The following GPC5 variants were observed in gnomAD, a reference collection of about 807,000 sequenced individuals.
GPC5 encodes glypican-5.
In GPC5, 47 loss-of-function variants were observed where a neutral mutation model predicts 53.9. The ratio of observed to expected loss-of-function variants is 0.87; its 90% CI spans 0.69 to 1.11. The LOEUF (loss-of-function observed/expected upper bound fraction) is 1.11. GPC5 is among the 50% of genes most tolerant of loss of function. The probability of loss-of-function intolerance (pLI) is 0.00; values close to 1 mark genes in which losing one functional copy is unlikely to be tolerated. For synonymous variants in GPC5, 286 were observed against 263.3 expected, an observed-to-expected ratio of 1.09 and a Z score of -0.84; for missense variants, 748 against 713.1, an observed-to-expected ratio of 1.05 and a Z score of -0.56.
chr13:92,161,495 A>C (rs1198035293), intron 7 of GPC5, among the ~76,000 whole-genome samples: 1 of 152,208 alleles, frequency 6.6e-6, no homozygotes, highest in African/African-American at 2.4e-5. Flanking sequence ...AATTTTAGCC[A>C]AGAATATTAT....
At chr13:92,287,469 G>C (rs1467733567) in intron 7 of GPC5, among the ~76,000 whole-genome samples, 1 of 152,078 alleles carries the variant, frequency 6.6e-6, no homozygotes, top group African/African-American at 2.4e-5. Context: ...AATTATTATT[G>C]TAGAATTGTG....
At chr13:92,124,267 A>AAC (rs2041676045) in intron 6 of GPC5, among the ~76,000 whole-genome samples, 1 of 151,074 alleles carries the variant, frequency 6.6e-6, no homozygotes, top group African/African-American at 2.4e-5. Context: ...AAAAAAAAAA[A>AAC]AAAAAACTAG....
chr13:91,958,953 A>G (rs528960327), intron 6 of GPC5, among the ~76,000 whole-genome samples: 1 of 152,062 alleles, frequency 6.6e-6, no homozygotes. Context: ...AAATAATCTA[A>G]TAATGCACCT....
intron 1 of GPC5, among the ~76,000 whole-genome samples, chr13:91,430,310 C>T (rs187671561): frequency 1.3e-5 from 2 of 152,300 alleles, no homozygotes; most frequent in East Asian, 3.9e-4. Context: ...CAGGATTAGC[C>T]ACACTGATAG....
At chr13:92,788,255 A>G (rs928537111) in intron 7 of GPC5, among the ~76,000 whole-genome samples, 3 of 152,182 alleles carry the variant, frequency 2.0e-5, no homozygotes, top group African/African-American at 7.2e-5. Flanking sequence ...GTGTAAAAAA[A>G]AAGATCAACA....
chr13:92,721,465 C>G (rs1765943738), intron 7 of GPC5: 1 of 152,050 alleles, frequency 6.6e-6, no homozygotes, highest in Non-Finnish European at 1.5e-5. Context: ...ATCATTATTG[C>G]AGGCTAAATG....
chr13:91,571,825 A>ACACACACATATACGTGTGTGTGTG (rs1566515523), intron 2 of GPC5, among the ~76,000 whole-genome samples: 1 of 81,082 alleles, frequency 1.2e-5, no homozygotes, highest in African/African-American at 8.1e-5. Flanking sequence ...GTGTGTGTAT[A>ACACACACATATACGTGTGTGTGTG]TATACACATA....
At chr13:91,959,550 C>G (rs948271801) in intron 6 of GPC5, among the ~76,000 whole-genome samples, 2 of 151,842 alleles carry the variant, frequency 1.3e-5, no homozygotes, top group Admixed American at 6.6e-5. Flanking sequence ...TTTATAAGGC[C>G]AGCACTAGCC....
intron 2 of GPC5, among the ~76,000 whole-genome samples, chr13:91,647,573 G>A (rs1264387274): frequency 1.3e-5 from 2 of 152,202 alleles, no homozygotes; most frequent in Non-Finnish European, 2.9e-5. Flanking sequence ...CTGTGATGTG[G>A]CAGGGATGCT....
chr13:91,482,014 A>G (rs900856477), intron 2 of GPC5, among the ~76,000 whole-genome samples: 4 of 152,196 alleles, frequency 2.6e-5, no homozygotes, highest in Non-Finnish European at 5.9e-5. Context: ...TACTAATAGA[A>G]TATCCCATAT....
intron 6 of GPC5, among the ~76,000 whole-genome samples, chr13:92,118,534 T>A (rs1473468583): frequency 2.0e-5 from 3 of 151,978 alleles, no homozygotes; most frequent in Non-Finnish European, 2.9e-5. Context: ...TAGAGCTGAG[T>A]GGGAAAACGA....
At chr13:92,238,221 C>T (rs2042584273) in intron 7 of GPC5, among the ~76,000 whole-genome samples, 1 of 151,558 alleles carries the variant, frequency 6.6e-6, no homozygotes. Flanking sequence ...TATGTTTAAC[C>T]TTTTGAGAGG....
intron 7 of GPC5, among the ~76,000 whole-genome samples, chr13:92,269,250 T>G (rs1422162425): frequency 6.6e-6 from 1 of 152,172 alleles, no homozygotes; most frequent in East Asian, 1.9e-4. Flanking sequence ...TAGTATATAC[T>G]TTCATAACTA....
intron 2 of GPC5, among the ~76,000 whole-genome samples, chr13:91,545,203 T>G (rs994638980): frequency 7.9e-5 from 12 of 152,212 alleles, no homozygotes; most frequent in Non-Finnish European, 1.3e-4. Flanking sequence ...GGGAGGATTA[T>G]TTTAAAAAAT....
At chr13:91,768,429 G>A (rs1442674914) in intron 5 of GPC5, among the ~76,000 whole-genome samples, 1 of 152,102 alleles carries the variant, frequency 6.6e-6, no homozygotes, top group Non-Finnish European at 1.5e-5. Context: ...TTGTGTGGCT[G>A]CAATTATGTA....
At chr13:91,657,496 A>T (rs2034874785) in intron 2 of GPC5, among the ~76,000 whole-genome samples, 1 of 152,130 alleles carries the variant, frequency 6.6e-6, no homozygotes, top group South Asian at 2.1e-4. Context: ...TGGCTATCTA[A>T]TGGGTAGAGG....
chr13:91,589,715 A>T (rs1471136952), intron 2 of GPC5, among the ~76,000 whole-genome samples: 1 of 152,128 alleles, frequency 6.6e-6, no homozygotes, highest in Non-Finnish European at 1.5e-5. Flanking sequence ...CAAGTTTGTG[A>T]GTTGCCTTAT....
intron 3 of GPC5, among the ~76,000 whole-genome samples, chr13:91,721,485 A>T (rs1483038065): frequency 6.6e-6 from 1 of 152,122 alleles, no homozygotes; most frequent in Non-Finnish European, 1.5e-5. Flanking sequence ...AATGACAGCC[A>T]GTGTGATATT....
chr13:91,789,167 C>T (rs1227932397), intron 5 of GPC5, among the ~76,000 whole-genome samples: 2 of 151,644 alleles, frequency 1.3e-5, no homozygotes, highest in Non-Finnish European at 1.5e-5. Context: ...GAGCCAAGAT[C>T]GTGCCACTGC....
Sources: allele counts gnomAD v4.1 joint callset (sites outside exome capture counted in the v4.1 genomes callset), GRCh38; gene constraint gnomAD v4.1.1; transcripts MANE v1.5; gene names NCBI Gene and HGNC (gene_info 2026-07-23, HGNC 2026-07-21).